TMTC2: variants seen among roughly 807,000 people sequenced by gnomAD.
TMTC2 encodes protein O-mannosyl-transferase TMTC2.
In TMTC2, 43 loss-of-function variants were observed where a neutral mutation model predicts 82.4. The observed-to-expected ratio is 0.52, with a 90% CI of 0.41 to 0.67. The LOEUF is 0.67. Ranked by LOEUF, TMTC2 falls within the 30% of genes least tolerant of loss-of-function variation. The pLI is 0.00. For missense variants in TMTC2, 919 were observed against 1,012.4 expected (o/e 0.91, Z 1.25); for synonymous variants, 408 against 381.9 (o/e 1.07, Z -0.80).
At chr12:82,891,005 C>T (rs1327254447) in intron 2 of TMTC2, among the ~76,000 whole-genome samples, 1 of 152,090 alleles carries the variant, frequency 6.6e-6, no homozygotes, top group Non-Finnish European at 1.5e-5. Context: ...GAGATTCATG[C>T]CTTATCTATA....
At chr12:82,693,159 T>G (rs1773080464) in intron 1 of TMTC2, among the ~76,000 whole-genome samples, 1 of 152,254 alleles carries the variant, frequency 6.6e-6, no homozygotes, top group South Asian at 2.1e-4. Flanking sequence ...ATGATAGATC[T>G]ATACAAATGC....
At chr12:83,034,837 A>T (rs546523054) in intron 9 of TMTC2, among the ~76,000 whole-genome samples, 4 of 152,314 alleles carry the variant, frequency 2.6e-5, no homozygotes, top group African/African-American at 9.6e-5. Context: ...AATTGCCTGA[A>T]AAGATGTTCT....
At chr12:83,109,595 A>G (rs1280057068) in intron 11 of TMTC2, among the ~76,000 whole-genome samples, 1 of 152,110 alleles carries the variant, frequency 6.6e-6, no homozygotes, top group Admixed American at 6.6e-5. Context: ...TCTAGTACCA[A>G]CTTCCCAAAT....
intron 2 of TMTC2, among the ~76,000 whole-genome samples, chr12:82,873,653 A>C (rs193081100): frequency 6.6e-6 from 1 of 151,998 alleles, no homozygotes; most frequent in African/African-American, 2.4e-5. Context: ...TTTCTTTCCC[A>C]TTTACTTGCC....
intron 1 of TMTC2, among the ~76,000 whole-genome samples, chr12:82,834,592 C>T (rs1382833525): frequency 6.6e-6 from 1 of 152,168 alleles, no homozygotes; most frequent in African/African-American, 2.4e-5. Context: ...ATTTATCATC[C>T]TCCTTTTTCC....
chr12:82,775,563 G>A (rs1225644576), intron 1 of TMTC2, among the ~76,000 whole-genome samples: 1 of 151,894 alleles, frequency 6.6e-6, no homozygotes, highest in Non-Finnish European at 1.5e-5. Context: ...GTTAGGAGAG[G>A]GCATGTAAAG....
intron 3 of TMTC2, among the ~76,000 whole-genome samples, chr12:82,899,182 C>T (rs1016880787): frequency 1.3e-5 from 2 of 152,114 alleles, no homozygotes; most frequent in East Asian, 1.9e-4. Context: ...CTGACCACTA[C>T]CATGATAAGT....
At chr12:82,736,518 A>G (rs192472870) in intron 1 of TMTC2, among the ~76,000 whole-genome samples, 2 of 152,298 alleles carry the variant, frequency 1.3e-5, no homozygotes, top group Non-Finnish European at 2.9e-5. Context: ...TCTATTATGC[A>G]TGCTTTCCAG....
chr12:82,892,345 G>A (rs551517869), intron 2 of TMTC2, among the ~76,000 whole-genome samples: 9 of 151,790 alleles, frequency 5.9e-5, no homozygotes, highest in Non-Finnish European at 1.3e-4. Flanking sequence ...ACATTCAATA[G>A]TTTTCATTAT....
chr12:82,783,105 G>A (rs1877989698), intron 1 of TMTC2, among the ~76,000 whole-genome samples: 1 of 152,086 alleles, frequency 6.6e-6, no homozygotes. Context: ...TGCTAAATGA[G>A]TTTGAATAAT....
intron 1 of TMTC2, among the ~76,000 whole-genome samples, chr12:82,705,445 T>C (rs1394832600): frequency 3.9e-5 from 6 of 152,224 alleles, no homozygotes; most frequent in Admixed American, 2.6e-4. Flanking sequence ...TGAGAACTTA[T>C]GTCAGAGGCC....
intron 1 of TMTC2, among the ~76,000 whole-genome samples, chr12:82,834,884 A>ATT (rs990613779): frequency 1.4e-5 from 2 of 147,136 alleles, no homozygotes; most frequent in African/African-American, 5.0e-5. Context: ...TCATTTTATT[A>ATT]TTTTTTTTTT....
intron 2 of TMTC2, among the ~76,000 whole-genome samples, chr12:82,880,099 GAC>G (rs1291817591): frequency 6.6e-6 from 1 of 152,180 alleles, no homozygotes; most frequent in Non-Finnish European, 1.5e-5. Context: ...GAAGGAGCAA[GAC>G]ACATGGGTTG....
chr12:83,002,682 C>A (rs1263759869), intron 8 of TMTC2, among the ~76,000 whole-genome samples: 1 of 151,826 alleles, frequency 6.6e-6, no homozygotes, highest in Non-Finnish European at 1.5e-5. Flanking sequence ...GAAACAAGTT[C>A]TTTAATTTCC....
intron 11 of TMTC2, among the ~76,000 whole-genome samples, chr12:83,124,588 A>T (rs1268114761): frequency 6.7e-6 from 1 of 150,082 alleles, no homozygotes; most frequent in Non-Finnish European, 1.5e-5. Context: ...TAATGAGCAG[A>T]AGTTTGTCAG....
chr12:82,711,541 C>A (rs1873619561), intron 1 of TMTC2, among the ~76,000 whole-genome samples: 1 of 151,960 alleles, frequency 6.6e-6, no homozygotes, highest in South Asian at 2.1e-4. Flanking sequence ...ATATTAGAAA[C>A]CACTGATTTG....
At chr12:82,726,878 CAAA>C (rs757515287) in intron 1 of TMTC2, among the ~76,000 whole-genome samples, 1 of 42,348 alleles carries the variant, frequency 2.4e-5, no homozygotes, top group Non-Finnish European at 4.9e-5. Context: ...GACTCTGTCT[CAAA>C]AAAAAAAAAA....
chr12:82,861,889 G>A (rs1382338039), intron 2 of TMTC2, among the ~76,000 whole-genome samples: 1 of 151,976 alleles, frequency 6.6e-6, no homozygotes, highest in African/African-American at 2.4e-5. Flanking sequence ...CCATACATCT[G>A]GCTTATAGTA....
chr12:83,091,428 T>C (rs1019521437), intron 11 of TMTC2, among the ~76,000 whole-genome samples: 1 of 152,212 alleles, frequency 6.6e-6, no homozygotes, highest in Non-Finnish European at 1.5e-5. Flanking sequence ...AAAATTATGA[T>C]TGGGGAGTCA....
Sources: gnomAD v4.1 joint callset for allele counts (sites outside exome capture counted in the v4.1 genomes callset) on GRCh38, gnomAD v4.1.1 for gene constraint, MANE v1.5 for transcripts, NCBI Gene and HGNC (gene_info 2026-07-23, HGNC 2026-07-21) for gene names.